The following KAT2B variants were observed in gnomAD, a reference collection of about 807,000 sequenced individuals.
The protein encoded by KAT2B is histone acetyltransferase KAT2B.
A neutral mutation model predicts 105.9 loss-of-function variants in KAT2B; 36 were observed. The observed-to-expected ratio is 0.34, with a 90% CI of 0.26 to 0.45. KAT2B has a LOEUF of 0.45. Among genes scored for constraint, KAT2B ranks in the 20% least tolerant of loss-of-function variants. The pLI is 1.00. For synonymous variants in KAT2B, 397 were observed against 377.9 expected (o/e 1.05, Z -0.59); for missense variants, 820 against 1,021.6 (o/e 0.80, Z 2.69).
chr3:20,046,971 TCTGG>T (rs1441062023), intron 1 of KAT2B, among the ~76,000 whole-genome samples: 1 of 152,156 alleles, frequency 6.6e-6, no homozygotes. Flanking sequence ...CGAATGATTA[TCTGG>T]TCCAAAATAT....
chr3:20,145,010 T>G (rs1242081886), intron 13 of KAT2B, among the ~76,000 whole-genome samples: 1 of 152,072 alleles, frequency 6.6e-6, no homozygotes, highest in African/African-American at 2.4e-5. Flanking sequence ...TTGGCCAGGC[T>G]GGTCTCGAGC....
In KAT2B at chr3:20,111,707, A is replaced by G. The variant is rs1699124976; in HGVS notation, c.963A>G (p.Arg321=). ...GCTCGGTCTTCACTGTTATGAGGCG[A>G]CAACTCCTGGAACAAGCAAGACAGG... ...LLRSVFTVMR[R]QLLEQARQEK... is the part of the protein sequence containing the mutation. Residue 321 remains arginine (R), a synonymous_variant, in exon 6 of 18, where the codon CGA becomes CGG. Transcript: ENST00000263754. 6.2e-7 allele frequency: 1 copy of G among 1,614,100 alleles called. No individual in the cohort carries two copies. The highest frequency in any genetic ancestry group is 8.5e-7 in the Non-Finnish European group (1 of 1,179,960).
At chr3:20,134,107 A>G (rs909232441) in intron 11 of KAT2B, among the ~76,000 whole-genome samples, 3 of 152,190 alleles carry the variant, frequency 2.0e-5, no homozygotes, top group Non-Finnish European at 4.4e-5. Context: ...TAAAATTTGA[A>G]GTATTCTACT....
At chr3:20,148,541 G>C (rs932033999) in intron 17 of KAT2B, 54 bp downstream of exon 17, 1 of 1,283,648 alleles carries the variant, frequency 7.8e-7, no homozygotes, top group Non-Finnish European at 1.1e-6. Context: ...ATGGCGGTGT[G>C]GGGGACAAAT....
chr3:20,117,700 T>C (rs908805005), intron 7 of KAT2B, among the ~76,000 whole-genome samples: 3 of 152,182 alleles, frequency 2.0e-5, no homozygotes, highest in Non-Finnish European at 2.9e-5. Flanking sequence ...TGTGGCTGTG[T>C]TGAAACGTAG....
In KAT2B at chr3:20,154,245, T is replaced by A. The variant is rs753284594; in HGVS notation, c.*1720T>A. Reference sequence around the variant, plus strand: ...GAAAGCATTTTTATGTTTTCTAATTTAAAAATTAATATTTTCTTATAGATA... The same window carrying A: ...GAAAGCATTTTTATGTTTTCTAATTAAAAAATTAATATTTTCTTATAGATA... On this transcript the variant is annotated 3_prime_UTR_variant, in exon 18 of 18. Transcript: ENST00000263754. 2 of 152,664 alleles carry A rather than the reference T, an allele frequency of 1.3e-5. No homozygotes were observed. The highest frequency in any genetic ancestry group is 2.9e-5 in the Non-Finnish European group (2 of 68,026). The allele number at this position is 152,664 out of a possible 1,614,324, so 9.5% of individuals were successfully genotyped here.
At chr3:20,066,785 TATTA>T (rs1045416096) in intron 1 of KAT2B, among the ~76,000 whole-genome samples, 5 of 152,182 alleles carry the variant, frequency 3.3e-5, no homozygotes, top group East Asian at 1.9e-4. Context: ...AATTTAATTT[TATTA>T]ATTCTAATTT....
At chr3:20,116,847 C>A (rs977295153) in intron 7 of KAT2B, among the ~76,000 whole-genome samples, 2 of 152,134 alleles carry the variant, frequency 1.3e-5, no homozygotes, top group African/African-American at 4.8e-5. Flanking sequence ...CCAAGATAGA[C>A]CTTGTAAGTG....
At chr3:20,089,545 C>T (rs1025059260) in intron 2 of KAT2B, among the ~76,000 whole-genome samples, 5 of 151,760 alleles carry the variant, frequency 3.3e-5, no homozygotes, top group Admixed American at 1.3e-4. Context: ...AGATTACAGG[C>T]GTGCGCCACC....
intron 1 of KAT2B, among the ~76,000 whole-genome samples, chr3:20,051,105 C>T (rs1218485728): frequency 6.7e-6 from 1 of 149,470 alleles, no homozygotes; most frequent in Admixed American, 6.8e-5. Context: ...GAGGCTGAGG[C>T]ATGAGGATGG....
Position 20,152,354 on chromosome 3 carries a change from C to A in KAT2B, c.2328C>A (p.Arg776=), listed in dbSNP as rs761034062. ...FPMDLKTMSE[R]LKNRYYVSKK... is the part of the protein sequence containing the mutation. ...CAGATCTGAAAACCATGAGTGAACGCCTCAAGAATAGGTACTACGTGTCTA... is the reference window on the plus strand; with the variant it reads ...CAGATCTGAAAACCATGAGTGAACGACTCAAGAATAGGTACTACGTGTCTA... Residue 776 remains arginine (R), a synonymous_variant, in exon 18 of 18, where the codon CGC becomes CGA. Coordinates refer to ENST00000263754, the MANE Select transcript of KAT2B (RefSeq NM_003884.5). 6.2e-7 allele frequency: 1 copy of A among 1,612,724 alleles called. No individual in the cohort carries two copies. The highest frequency in any genetic ancestry group is 8.5e-7 in the Non-Finnish European group (1 of 1,179,220).
chr3:20,062,002 TATA>T (rs1336258576), intron 1 of KAT2B, among the ~76,000 whole-genome samples: 3 of 71,340 alleles, frequency 4.2e-5, no homozygotes, highest in African/African-American at 5.9e-5. Context: ...ATATAAAACA[TATA>T]ATATATATTA....
intron 2 of KAT2B, among the ~76,000 whole-genome samples, chr3:20,081,220 A>G (rs779234626): frequency 6.6e-5 from 10 of 152,308 alleles, no homozygotes; most frequent in Non-Finnish European, 1.2e-4. Flanking sequence ...GAGCAGGGAC[A>G]TGTTAGCTGC....
At chr3:20,060,391 C>T (rs187689690) in intron 1 of KAT2B, among the ~76,000 whole-genome samples, 180 of 152,298 alleles carry the variant, frequency 1.2e-3, no homozygotes, top group African/African-American at 4.2e-3. Context: ...CACCTGAGGT[C>T]GGGAGTCTGA....
At position 20,043,730 on chromosome 3, in the gene KAT2B, A is replaced by T. The variant is rs140995045; in HGVS notation, c.303+2950A>T. On this transcript the variant is annotated intron_variant, in intron 1 of 17. Transcript: ENST00000263754. ...CATTATCTCAGATTTGCTTTTTTTA[A>T]AAAAAAAAAAAATTTAACTGGACTT... 9.6e-3 allele frequency among the ~76,000 whole-genome samples: 304 copies of T among 31,524 alleles called. 1 individual carries two copies. Among genetic ancestry groups the T allele is most frequent in the Middle Eastern group, 0.056 (3 of 54 alleles). 20.7% of individuals were successfully genotyped at this position (31,524 alleles called of 152,430 possible). A position where few individuals can be genotyped will look rare whatever the true frequency, so the allele number is the denominator to read the frequency against.
At chr3:20,091,115 A>C (rs1332950997) in intron 2 of KAT2B, among the ~76,000 whole-genome samples, 1 of 152,140 alleles carries the variant, frequency 6.6e-6, no homozygotes, top group African/African-American at 2.4e-5. Context: ...TTCAGCCTTG[A>C]AGCCATCAGG....
chr3:20,140,671 TA>T (rs1402598291), intron 13 of KAT2B, among the ~76,000 whole-genome samples: 8 of 152,098 alleles, frequency 5.3e-5, no homozygotes, highest in Non-Finnish European at 8.8e-5. Context: ...TTCTTATTTT[TA>T]GTGGAGACAG....
At chr3:20,121,890 G>A (rs1039273815) in intron 8 of KAT2B, among the ~76,000 whole-genome samples, 5 of 151,764 alleles carry the variant, frequency 3.3e-5, no homozygotes, top group Non-Finnish European at 7.4e-5. Context: ...GGAAACATAC[G>A]AAATGAATGA....
At position 20,122,811 on chromosome 3, in the gene KAT2B, A is replaced by G; in HGVS notation, c.1413+7A>G. 1 of 1,605,116 alleles carries G rather than the reference A, an allele frequency of 6.2e-7. No individual in the cohort carries two copies. The highest frequency in any genetic ancestry group is 8.5e-7 in the Non-Finnish European group (1 of 1,174,062). The stretch of plus-strand genomic sequence containing the variant: ...AGCAATGCTTGGACCAGAGGTCAGC[A>G]GGGTAAACCTGGGCAGCCAGCTGGT... On this transcript the variant is annotated splice_region_variant and intron_variant, in intron 9 of 17. Coordinates refer to ENST00000263754, the MANE Select transcript of KAT2B (RefSeq NM_003884.5).
Sources: gnomAD v4.1 joint callset for allele counts (sites outside exome capture counted in the v4.1 genomes callset) on GRCh38, gnomAD v4.1.1 for gene constraint, MANE v1.5 for transcripts, NCBI Gene and HGNC (gene_info 2026-07-23, HGNC 2026-07-21) for gene names.